Variants in C8orf58 observed in about 807,000 individuals in gnomAD.
C8orf58 encodes the protein uncharacterized protein C8orf58.
C8orf58 carries 31 observed loss-of-function variants against 36.8 expected under a neutral mutation model. That is an observed-to-expected ratio of 0.84 (90% CI 0.63 to 1.14). The LOEUF (loss-of-function observed/expected upper bound fraction) is 1.14. C8orf58 is among the 50% of genes most tolerant of loss of function. The pLI, the probability that C8orf58 is intolerant of heterozygous loss-of-function variation, is 0.00. For missense variants in C8orf58, 538 were observed against 480.8 expected (o/e 1.12, Z -1.11); for synonymous variants, 230 against 200.2 (o/e 1.15, Z -1.26).
rs1800946708 is a variant in C8orf58 at position 22,603,722 on chromosome 8, C to A, written c.*416C>A. ...TCCAACCATCTCTTCTGAAATAATGCATCCAAAGGGTTGATATTCTGGGGG... is the reference window on the plus strand; with the variant it reads ...TCCAACCATCTCTTCTGAAATAATGAATCCAAAGGGTTGATATTCTGGGGG... On this transcript the variant is annotated 3_prime_UTR_variant, in exon 7 of 7. Transcript: ENST00000289989. 22 of 322,002 alleles carry A rather than the reference C, an allele frequency of 6.8e-5. No individual in the cohort carries two copies. Among genetic ancestry groups the A allele is most frequent in the South Asian group, 5.4e-4 (21 of 39,076 alleles). 19.9% of individuals were successfully genotyped at this position (322,002 alleles called of 1,614,324 possible).
Sources: gnomAD v4.1 joint callset for allele counts on GRCh38, gnomAD v4.1.1 for gene constraint, MANE v1.5 for transcripts, NCBI Gene and HGNC (gene_info 2026-07-23, HGNC 2026-07-21) for gene names.